The following MGAT4C variants were observed in gnomAD, a reference collection of about 807,000 sequenced individuals.
MGAT4C encodes the protein alpha-1,3-mannosyl-glycoprotein 4-beta-N-acetylglucosaminyltransferase C.
MGAT4C carries 19 observed loss-of-function variants against 40.1 expected under a neutral mutation model. That is an observed-to-expected ratio of 0.47 (90% CI 0.33 to 0.70). MGAT4C has a LOEUF of 0.70. Among genes scored for constraint, MGAT4C ranks in the 30% least tolerant of loss-of-function variants. The probability of loss-of-function intolerance (pLI) is 0.02; values close to 1 mark genes in which losing one functional copy is unlikely to be tolerated. For missense variants in MGAT4C, 491 were observed against 563.2 expected, an observed-to-expected ratio of 0.87 and a Z score of 1.30; for synonymous variants, 181 against 187.1, an observed-to-expected ratio of 0.97 and a Z score of 0.27.
In MGAT4C at chr12:86,364,792, G is replaced by T. The variant is rs113106465; in HGVS notation, c.-119-30665C>A. 5.9e-3 allele frequency among the ~76,000 whole-genome samples: 902 copies of T among 152,302 alleles called. 4 individuals carry two copies. Among genetic ancestry groups the T allele is most frequent in the Non-Finnish European group, 8.6e-3 (586 of 68,028 alleles). ...GTTTTTATTAGTGATTTCAAAAGGG[G>T]AGGGGGTGTATGAATAGGGTGTGGG... On this transcript the variant is annotated intron_variant, in intron 3 of 7. Transcript: ENST00000548651.
chr12:86,131,648 T>C (rs141414404), intron 1 of MGAT4C, among the ~76,000 whole-genome samples: 19 of 152,202 alleles, frequency 1.2e-4, no homozygotes, highest in African/African-American at 4.6e-4. Context: ...AGTCAGACTT[T>C]GATGTTTATC....
chr12:86,683,493 C>G (rs1950018625), intron 2 of MGAT4C, among the ~76,000 whole-genome samples: 1 of 151,934 alleles, frequency 6.6e-6, no homozygotes, highest in Admixed American at 6.6e-5. Flanking sequence ...AAAATATTGC[C>G]CTGCCATTTG....
At chr12:86,062,446 T>G (rs1894086513) in intron 1 of MGAT4C, among the ~76,000 whole-genome samples, 1 of 151,956 alleles carries the variant, frequency 6.6e-6, no homozygotes, top group South Asian at 2.1e-4. Flanking sequence ...GGCTGAAAAT[T>G]CCAGAAACCA....
intron 1 of MGAT4C, among the ~76,000 whole-genome samples, chr12:86,763,960 T>C (rs1466129321): frequency 2.0e-5 from 3 of 152,132 alleles, no homozygotes. Flanking sequence ...GATTTCTGCA[T>C]TTCCATCTGA....
intron 4 of MGAT4C, among the ~76,000 whole-genome samples, chr12:86,278,880 A>G (rs1321666337): frequency 6.6e-6 from 1 of 151,606 alleles, no homozygotes; most frequent in Non-Finnish European, 1.5e-5. Flanking sequence ...AGTTTTTATC[A>G]TGAAGTAATG....
chr12:86,504,339 A>C (rs2136338931), intron 2 of MGAT4C, among the ~76,000 whole-genome samples: 1 of 152,290 alleles, frequency 6.6e-6, no homozygotes, highest in Non-Finnish European at 1.5e-5. Flanking sequence ...CATGTGCTAG[A>C]ATATTCATAG....
At chr12:86,796,780 T>G (rs1017338441) in intron 1 of MGAT4C, among the ~76,000 whole-genome samples, 12 of 151,916 alleles carry the variant, frequency 7.9e-5, no homozygotes, top group Non-Finnish European at 1.3e-4. Context: ...ACATCATGGA[T>G]GTAAGTGTTC....
chr12:86,608,432 AT>A (rs1345790952), intron 2 of MGAT4C, among the ~76,000 whole-genome samples: 1 of 152,032 alleles, frequency 6.6e-6, no homozygotes, highest in South Asian at 2.1e-4. Context: ...ATTTAAAAAA[AT>A]AACAAGGCAT....
At chr12:86,406,091 C>A (rs933454147) in intron 3 of MGAT4C, among the ~76,000 whole-genome samples, 1 of 145,778 alleles carries the variant, frequency 6.9e-6, no homozygotes, top group African/African-American at 2.5e-5. Flanking sequence ...AAAACTTTGA[C>A]TTAAGTTTCA....
At chr12:86,728,340 T>C (rs957888324) in intron 1 of MGAT4C, among the ~76,000 whole-genome samples, 1 of 152,174 alleles carries the variant, frequency 6.6e-6, no homozygotes, top group African/African-American at 2.4e-5. Context: ...TGTCTTATTA[T>C]AGAAATGTTG....
At chr12:85,996,613 C>T (rs1338052279) in intron 2 of MGAT4C, among the ~76,000 whole-genome samples, 1 of 152,046 alleles carries the variant, frequency 6.6e-6, no homozygotes, top group Admixed American at 6.6e-5. Flanking sequence ...TAGAGATAAA[C>T]ATTAATCAAA....
chr12:86,734,150 AAG>A, intron 1 of MGAT4C, among the ~76,000 whole-genome samples: 1 of 152,240 alleles, frequency 6.6e-6, no homozygotes, highest in Non-Finnish European at 1.5e-5. Context: ...GCCTTTATAA[AAG>A]AGAAAATAAA....
intron 3 of MGAT4C, among the ~76,000 whole-genome samples, chr12:86,420,193 C>T (rs1956793352): frequency 6.6e-6 from 1 of 151,794 alleles, no homozygotes; most frequent in Non-Finnish European, 1.5e-5. Context: ...CCCTTGGCAA[C>T]ATGGTGAAAA....
intron 1 of MGAT4C, among the ~76,000 whole-genome samples, chr12:86,208,158 T>A (rs1950332701): frequency 6.6e-6 from 1 of 152,154 alleles, no homozygotes; most frequent in Admixed American, 6.5e-5. Flanking sequence ...TCTTAGAGCC[T>A]TTACTTTAGA....
At chr12:86,022,297 A>T (rs1889813402) in intron 2 of MGAT4C, among the ~76,000 whole-genome samples, 1 of 152,232 alleles carries the variant, frequency 6.6e-6, no homozygotes, top group African/African-American at 2.4e-5. Flanking sequence ...AAACATTTTA[A>T]ATGGTTACTC....
At chr12:86,692,514 T>A (rs1013465464) in intron 2 of MGAT4C, among the ~76,000 whole-genome samples, 1 of 152,170 alleles carries the variant, frequency 6.6e-6, no homozygotes, top group Non-Finnish European at 1.5e-5. Context: ...TCTCTCCAAT[T>A]TGTTTAAAAT....
At chr12:86,815,299 C>G (rs1391859099) in intron 1 of MGAT4C, among the ~76,000 whole-genome samples, 1 of 152,002 alleles carries the variant, frequency 6.6e-6, no homozygotes, top group Non-Finnish European at 1.5e-5. Flanking sequence ...CAACGCAATA[C>G]CGCCTTGCTC....
At chr12:86,058,610 T>C (rs1190015989) in intron 1 of MGAT4C, among the ~76,000 whole-genome samples, 1 of 152,104 alleles carries the variant, frequency 6.6e-6, no homozygotes, top group African/African-American at 2.4e-5. Flanking sequence ...AGAAATGAAA[T>C]CCTAAAACAT....
intron 1 of MGAT4C, among the ~76,000 whole-genome samples, chr12:86,060,514 T>A (rs573597448): frequency 5.9e-5 from 9 of 152,210 alleles, no homozygotes; most frequent in African/African-American, 2.2e-4. Flanking sequence ...AAAGTAGAAA[T>A]AATTAATTCA....
Sources: allele counts gnomAD v4.1 joint callset (sites outside exome capture counted in the v4.1 genomes callset), GRCh38; gene constraint gnomAD v4.1.1; transcripts MANE v1.5; gene names NCBI Gene and HGNC (gene_info 2026-07-23, HGNC 2026-07-21).